The following CACNA2D3 variants were observed in gnomAD, a reference collection of about 807,000 sequenced individuals.
The protein encoded by CACNA2D3 is voltage-dependent calcium channel subunit alpha-2/delta-3.
Under a neutral mutation model 160.6 loss-of-function variants are expected in CACNA2D3, and 60 were observed. The ratio of observed to expected loss-of-function variants is 0.37; its 90% CI spans 0.30 to 0.46. The LOEUF is 0.46. Ranked by LOEUF, CACNA2D3 falls within the 20% of genes least tolerant of loss-of-function variation. The pLI is 1.00. For missense variants in CACNA2D3, 1,205 were observed against 1,365.0 expected, an observed-to-expected ratio of 0.88 and a Z score of 1.85; for synonymous variants, 558 against 492.9, an observed-to-expected ratio of 1.13 and a Z score of -1.75.
At chr3:54,536,553 C>T (rs768489072) in intron 5 of CACNA2D3, among the ~76,000 whole-genome samples, 1 of 152,202 alleles carries the variant, frequency 6.6e-6, no homozygotes, top group Non-Finnish European at 1.5e-5. Context: ...CAAATGTGTT[C>T]TCCACAGGGT....
intron 2 of CACNA2D3, among the ~76,000 whole-genome samples, chr3:54,188,171 C>T (rs1700910893): frequency 6.6e-6 from 1 of 152,120 alleles, no homozygotes; most frequent in African/African-American, 2.4e-5. Context: ...CATGGTTGTG[C>T]TTTTTCCATC....
At chr3:54,307,025 A>T (rs571770175) in intron 2 of CACNA2D3, among the ~76,000 whole-genome samples, 1 of 152,016 alleles carries the variant, frequency 6.6e-6, no homozygotes, top group East Asian at 1.9e-4. Flanking sequence ...ACTTCTTAGG[A>T]TGGGATGGAA....
chr3:54,946,248 A>G (rs1002506422), intron 27 of CACNA2D3, among the ~76,000 whole-genome samples: 15 of 152,136 alleles, frequency 9.9e-5, no homozygotes, highest in African/African-American at 3.1e-4. Context: ...GTTAAAAACC[A>G]TTTCTCCCCC....
At chr3:54,757,396 C>CT (rs1302165861) in intron 12 of CACNA2D3, among the ~76,000 whole-genome samples, 1 of 152,138 alleles carries the variant, frequency 6.6e-6, no homozygotes, top group Non-Finnish European at 1.5e-5. Flanking sequence ...AGCTCCTAAT[C>CT]TTTTTTCAAT....
chr3:54,225,524 A>G lies in CACNA2D3; in HGVS notation c.205-94918A>G, dbSNP rs7614391. Among the ~76,000 whole-genome samples, 1,106 of 152,078 alleles carry G rather than the reference A, an allele frequency of 7.3e-3. 9 individuals carry two copies. Among genetic ancestry groups the G allele is most frequent in the African/African-American group, 0.026 (1,065 of 41,452 alleles). On this transcript the variant is annotated intron_variant, in intron 2 of 37. Transcript: ENST00000474759. ...ATTTTTATTGTGTGTTAATCTGAAT[A>G]TTTTCTGTTGACTTATCTTTTAATG...
intron 17 of CACNA2D3, 61 bp from the exon 18 acceptor site, chr3:54,871,478 C>T (rs1250070103): frequency 9.3e-6 from 12 of 1,290,302 alleles, no homozygotes; most frequent in Non-Finnish European, 1.3e-5. Flanking sequence ...GTAAAGATTG[C>T]CCTGGCTGAT....
At chr3:54,880,392 C>A (rs2694108) in intron 20 of CACNA2D3, among the ~76,000 whole-genome samples, 23,661 of 152,182 alleles carry the variant, frequency 0.16, 3,933 homozygotes, top group African/African-American at 0.42. Flanking sequence ...TGCCCTTGAG[C>A]AGGGGTCAAT....
chr3:54,856,743 C>T (rs907946628), intron 17 of CACNA2D3, among the ~76,000 whole-genome samples: 1 of 152,126 alleles, frequency 6.6e-6, no homozygotes, highest in African/African-American at 2.4e-5. Flanking sequence ...GTTAGATGGT[C>T]AGGGAGACCC....
intron 4 of CACNA2D3, among the ~76,000 whole-genome samples, chr3:54,494,394 C>T (rs1281643643): frequency 6.6e-6 from 1 of 152,188 alleles, no homozygotes; most frequent in Non-Finnish European, 1.5e-5. Flanking sequence ...CGCCATTGAG[C>T]AAAATCATGC....
chr3:54,882,397 A>G (rs553526692), intron 21 of CACNA2D3, among the ~76,000 whole-genome samples: 2 of 152,158 alleles, frequency 1.3e-5, no homozygotes, highest in Non-Finnish European at 2.9e-5. Context: ...TCACACACAC[A>G]TACATACATA....
At chr3:54,157,563 G>C (rs1486114308) in intron 2 of CACNA2D3, among the ~76,000 whole-genome samples, 2 of 152,152 alleles carry the variant, frequency 1.3e-5, no homozygotes, top group Non-Finnish European at 2.9e-5. Context: ...GGCCTAGGTG[G>C]GCAGATCCCT....
intron 27 of CACNA2D3, among the ~76,000 whole-genome samples, chr3:54,921,111 G>A (rs890348182): frequency 2.0e-5 from 3 of 152,158 alleles, no homozygotes; most frequent in African/African-American, 7.2e-5. Flanking sequence ...CATCCTTCTA[G>A]ATTAATGTAA....
chr3:54,885,342 T>C lies in CACNA2D3; in HGVS notation c.1958+16T>C. The C allele has an allele frequency of 6.2e-7, 1 of 1,613,804 alleles. No individual in the cohort carries two copies. Among genetic ancestry groups the C allele is most frequent in the East Asian group, 2.2e-5 (1 of 44,876 alleles). On this transcript the variant is annotated intron_variant, in intron 22 of 37. Coordinates refer to ENST00000474759, the MANE Select transcript of CACNA2D3 (RefSeq NM_018398.3). ...CAGATGAATGGTAAGAATTAAACCATCCCTCCTTGACCATGGCATCCTTCA... is the reference window on the plus strand; with the variant it reads ...CAGATGAATGGTAAGAATTAAACCACCCCTCCTTGACCATGGCATCCTTCA...
chr3:54,435,627 G>C (rs1361133341), intron 4 of CACNA2D3, among the ~76,000 whole-genome samples: 1 of 152,174 alleles, frequency 6.6e-6, no homozygotes, highest in Non-Finnish European at 1.5e-5. Flanking sequence ...AAAATGAAGA[G>C]ATGAAATAGA....
chr3:54,380,268 G>A (rs1013041804), intron 3 of CACNA2D3, among the ~76,000 whole-genome samples: 5 of 152,140 alleles, frequency 3.3e-5, no homozygotes, highest in African/African-American at 4.8e-5. Context: ...ATTTTAATCC[G>A]TGATGGATTG....
At chr3:54,423,663 G>T (rs2106756329) in intron 4 of CACNA2D3, among the ~76,000 whole-genome samples, 1 of 152,226 alleles carries the variant, frequency 6.6e-6, no homozygotes, top group South Asian at 2.1e-4. Flanking sequence ...TCTGTACATA[G>T]GCCCTGGTTT....
chr3:54,210,768 T>C (rs1409357542), intron 2 of CACNA2D3, among the ~76,000 whole-genome samples: 1 of 152,184 alleles, frequency 6.6e-6, no homozygotes. Flanking sequence ...GAGTCTGCCA[T>C]CCAGGTTTAC....
At chr3:54,615,685 G>T (rs1434545962) in intron 9 of CACNA2D3, among the ~76,000 whole-genome samples, 3 of 152,184 alleles carry the variant, frequency 2.0e-5, no homozygotes, top group Admixed American at 6.5e-5. Flanking sequence ...TAATCTAGAT[G>T]AGTATATTAG....
intron 4 of CACNA2D3, among the ~76,000 whole-genome samples, chr3:54,458,138 A>C (rs1033603738): frequency 2.0e-5 from 3 of 151,962 alleles, no homozygotes; most frequent in Non-Finnish European, 2.9e-5. Flanking sequence ...GTTTTTGATA[A>C]GTTTTTGATA....
Sources: gnomAD v4.1 joint callset for allele counts (sites outside exome capture counted in the v4.1 genomes callset) on GRCh38, gnomAD v4.1.1 for gene constraint, MANE v1.5 for transcripts, NCBI Gene and HGNC (gene_info 2026-07-23, HGNC 2026-07-21) for gene names.